KDM6A: variants seen among roughly 807,000 people sequenced by gnomAD.
KDM6A encodes the protein lysine-specific demethylase 6A.
In KDM6A, 11 loss-of-function variants were observed where a neutral mutation model predicts 117.6. That is an observed-to-expected ratio of 0.09 (90% confidence interval 0.06 to 0.15). The LOEUF (loss-of-function observed/expected upper bound fraction) is 0.15. Among genes scored for constraint, KDM6A ranks in the 10% least tolerant of loss-of-function variants. The pLI, the probability that KDM6A is intolerant of heterozygous loss-of-function variation, is 1.00. For synonymous variants in KDM6A, 384 were observed against 396.1 expected, an observed-to-expected ratio of 0.97 and a Z score of 0.36; for missense variants, 799 against 1,077.3, an observed-to-expected ratio of 0.74 and a Z score of 3.62.
chrX:45,070,084 A>T lies in KDM6A; in HGVS notation c.2585A>T (p.Lys862Met), dbSNP rs1489953148. Residue 862 changes from lysine to methionine, a missense_variant, in exon 18 of 30, where the codon AAG becomes ATG. Lys to Met is a moderately conservative substitution (Grantham distance 95). Around this residue, in one of 8 missense-constraint regions of KDM6A, gnomAD observed 291 missense variants for 437.9 expected, o/e 0.66. Transcript: ENST00000611820. ...VNNIHPAVHT[K>M]TDNSVASSPS... ...AACATCCACCCAGCTGTTCATACAA[A>T]GACTGATAACTCTGTTGCCTCTTCA... The T allele has an allele frequency of 8.3e-7, 1 of 1,211,965 alleles. No homozygotes were observed.
intron 2 of KDM6A, among the ~76,000 whole-genome samples, chrX:44,927,270 CTTTTT>C (rs769445722): frequency 9.0e-6 from 1 of 111,011 alleles, no homozygotes; most frequent in South Asian, 3.8e-4. Context: ...CGCAACCTTC[CTTTTT>C]TATTTCCTGA....
chrX:44,903,291 C>A (rs1213360007), intron 2 of KDM6A, among the ~76,000 whole-genome samples: 4 of 111,560 alleles, frequency 3.6e-5, no homozygotes, highest in Non-Finnish European at 7.5e-5. Flanking sequence ...ACACTTTTAC[C>A]ACGTCATCCC....
At chrX:45,054,995 C>T (rs1229107264) in intron 10 of KDM6A, among the ~76,000 whole-genome samples, 1 of 111,428 alleles carries the variant, frequency 9.0e-6, no homozygotes, top group Non-Finnish European at 1.9e-5. Context: ...CAGGACAGTC[C>T]TCTATAGCAA....
intron 8 of KDM6A, among the ~76,000 whole-genome samples, chrX:45,040,883 C>T (rs2043125080): frequency 1.2e-5 from 1 of 83,172 alleles, no homozygotes; most frequent in African/African-American, 4.7e-5. Context: ...GACCCCCCCA[C>T]CTCCCTCCCG....
intron 8 of KDM6A, among the ~76,000 whole-genome samples, chrX:45,045,478 C>T (rs997792281): frequency 2.8e-5 from 3 of 106,337 alleles, no homozygotes; most frequent in East Asian, 3.0e-4. Flanking sequence ...CCCAGCTACT[C>T]GGGAGACTGA....
intron 24 of KDM6A, among the ~76,000 whole-genome samples, chrX:45,084,337 A>C (rs2045558449): frequency 8.9e-6 from 1 of 111,974 alleles, no homozygotes; most frequent in African/African-American, 3.2e-5. Flanking sequence ...GGTGATATTC[A>C]AAATATTTAA....
chrX:45,028,083 G>A (rs151170750), intron 6 of KDM6A, among the ~76,000 whole-genome samples: 6,433 of 111,635 alleles, frequency 0.058, 190 homozygotes, highest in Non-Finnish European at 0.09. Context: ...AAAGTGCTGG[G>A]ATTACAGGCG....
rs182721021 is a variant in KDM6A at position 45,038,408 on chromosome X, T to C, written c.654+719T>C. ...TCTTAAGACTGAAATAACTCTTCTATGTGTCATTATTGGAAAGGCATCAAG... is the reference window on the plus strand; with the variant it reads ...TCTTAAGACTGAAATAACTCTTCTACGTGTCATTATTGGAAAGGCATCAAG... On this transcript the variant is annotated intron_variant, in intron 8 of 29. Coordinates refer to ENST00000611820, the MANE Select transcript of KDM6A (RefSeq NM_001291415.2). Among the ~76,000 whole-genome samples, 380 of 111,417 alleles carry C rather than the reference T, an allele frequency of 3.4e-3. 3 individuals are homozygous for C. The highest frequency in any genetic ancestry group is 0.012 in the African/African-American group (364 of 30,577).
At chrX:45,033,754 T>C (rs1257967310) in intron 6 of KDM6A, among the ~76,000 whole-genome samples, 1 of 109,983 alleles carries the variant, frequency 9.1e-6, no homozygotes, top group Non-Finnish European at 1.9e-5. Context: ...GGTTTCAGTA[T>C]ATTGGTCAGG....
chrX:45,052,390 G>T (rs1024382733), intron 9 of KDM6A, among the ~76,000 whole-genome samples: 1 of 111,374 alleles, frequency 9.0e-6, no homozygotes, highest in African/African-American at 3.3e-5. Context: ...TTTTGTTTTT[G>T]GTCTGGGCAA....
chrX:45,046,158 G>A (rs997823315), intron 8 of KDM6A, among the ~76,000 whole-genome samples: 4 of 110,949 alleles, frequency 3.6e-5, no homozygotes, highest in African/African-American at 9.8e-5. Context: ...CTGAATCTTC[G>A]GAAATCTATT....
At chrX:44,907,972 T>G (rs2034835961) in intron 2 of KDM6A, among the ~76,000 whole-genome samples, 1 of 109,969 alleles carries the variant, frequency 9.1e-6, no homozygotes, top group South Asian at 3.9e-4. Context: ...TCTGTTTTAA[T>G]TTAACATCTC....
At chrX:44,895,365 G>A (rs1230630520) in intron 2 of KDM6A, among the ~76,000 whole-genome samples, 1 of 106,512 alleles carries the variant, frequency 9.4e-6, no homozygotes, top group African/African-American at 3.4e-5. Flanking sequence ...TGATCTGCCC[G>A]CCTCGGCCTC....
chrX:44,999,950 A>T (rs2041056949), intron 4 of KDM6A, among the ~76,000 whole-genome samples: 2 of 112,064 alleles, frequency 1.8e-5, no homozygotes, highest in African/African-American at 6.5e-5. Flanking sequence ...GCCATCCTGT[A>T]AAGGGGTCAT....
intron 27 of KDM6A, among the ~76,000 whole-genome samples, chrX:45,092,865 G>A (rs774742761): frequency 1.8e-5 from 2 of 110,934 alleles, no homozygotes; most frequent in Admixed American, 1.9e-4. Context: ...ACAGATGAAG[G>A]CTAAATTGGG....
chrX:44,920,857 CT>C (rs1304489487), intron 2 of KDM6A, among the ~76,000 whole-genome samples: 191 of 103,246 alleles, frequency 1.8e-3, no homozygotes, highest in Non-Finnish European at 3.1e-3. Flanking sequence ...TTAATTTTTT[CT>C]TTTTTTTCTT....
intron 2 of KDM6A, among the ~76,000 whole-genome samples, chrX:44,919,169 T>C (rs1377559593): frequency 8.9e-6 from 1 of 111,947 alleles, no homozygotes; most frequent in Non-Finnish European, 1.9e-5. Context: ...TTACTATTAA[T>C]GAACCAATAT....
intron 28 of KDM6A, among the ~76,000 whole-genome samples, chrX:45,109,481 A>T (rs2046686903): frequency 8.9e-6 from 1 of 112,068 alleles, no homozygotes; most frequent in African/African-American, 3.2e-5. Context: ...GATAAGCCAA[A>T]GACAGGATGT....
At chrX:45,004,021 CT>C (rs960194075) in intron 4 of KDM6A, among the ~76,000 whole-genome samples, 3 of 109,566 alleles carry the variant, frequency 2.7e-5, no homozygotes, top group Non-Finnish European at 3.8e-5. Context: ...CGGAGAGGGA[CT>C]CAAGATAAAA....
Sources: allele counts gnomAD v4.1 joint callset (sites outside exome capture counted in the v4.1 genomes callset), GRCh38; gene constraint gnomAD v4.1.1; regional missense constraint gnomAD v4.1.1; transcripts MANE v1.5; gene names NCBI Gene and HGNC (gene_info 2026-07-23, HGNC 2026-07-21).